ACKR2: variants seen among roughly 807,000 people sequenced by gnomAD.
The protein encoded by ACKR2 is atypical chemokine receptor 2, also known as C-C chemokine receptor D6.
For synonymous variants in ACKR2, 207 were observed against 192.2 expected (o/e 1.08, Z -0.64); for missense variants, 457 against 477.3 (o/e 0.96, Z 0.40).
chr3:42,839,939 G>A (rs1000953225), intron 2 of ACKR2, among the ~76,000 whole-genome samples: 7 of 152,192 alleles, frequency 4.6e-5, no homozygotes, highest in African/African-American at 1.7e-4. Flanking sequence ...AATTTTGGGT[G>A]TGGGTGCAGA....
intron 1 of ACKR2, among the ~76,000 whole-genome samples, chr3:42,811,501 G>A (rs1700694306): frequency 1.3e-5 from 2 of 152,204 alleles, no homozygotes; most frequent in South Asian, 4.1e-4. Context: ...AGGGACCTCT[G>A]CCCAAGAAAG....
intron 2 of ACKR2, among the ~76,000 whole-genome samples, chr3:42,831,463 T>C (rs1208290509): frequency 1.3e-5 from 2 of 152,364 alleles, no homozygotes; most frequent in East Asian, 3.9e-4. Context: ...GCTAATTTCA[T>C]TGGCCAATGG....
chr3:42,853,462 G>A (rs563813016), intron 2 of ACKR2, among the ~76,000 whole-genome samples: 9 of 152,212 alleles, frequency 5.9e-5, no homozygotes, highest in Admixed American at 2.6e-4. Context: ...ACAGGGTCTC[G>A]CTATGTTGCC....
chr3:42,859,015 A>G (rs1245238481), intron 2 of ACKR2, among the ~76,000 whole-genome samples: 2 of 152,116 alleles, frequency 1.3e-5, no homozygotes, highest in African/African-American at 4.8e-5. Context: ...TCCAAGAAAT[A>G]TGAGACTATG....
intron 2 of ACKR2, among the ~76,000 whole-genome samples, chr3:42,829,744 T>A (rs547718774): frequency 6.6e-6 from 1 of 152,162 alleles, no homozygotes; most frequent in Non-Finnish European, 1.5e-5. Context: ...CTGCACTCTG[T>A]CCTCTGCCAT....
chr3:42,814,170 A>G (rs1348804640), intron 1 of ACKR2, among the ~76,000 whole-genome samples: 1 of 152,240 alleles, frequency 6.6e-6, no homozygotes, highest in Non-Finnish European at 1.5e-5. Context: ...ATACCATATC[A>G]TGTTACAAGA....
intron 2 of ACKR2, among the ~76,000 whole-genome samples, chr3:42,842,578 A>G (rs1701049875): frequency 6.6e-6 from 1 of 152,206 alleles, no homozygotes; most frequent in African/African-American, 2.4e-5. Context: ...AGAGGCTGAC[A>G]GCAAATGCAC....
Position 42,812,612 on chromosome 3 carries a change from G to A in ACKR2, c.-119+3080G>A, listed in dbSNP as rs938524299. ...CTTACCTCTCCAGGTCATGGAATCA[G>A]ACCTCTTAGTATTCCATGCAGCTTA... On this transcript the variant is annotated intron_variant, in intron 1 of 2. Transcript: ENST00000422265. Among the ~76,000 whole-genome samples the A allele has an allele frequency of 2.7e-5, 4 of 147,130 alleles. No individual in the cohort carries two copies. The Admixed American group carries it at 2.7e-4, about 10-fold the overall frequency.
intron 1 of ACKR2, among the ~76,000 whole-genome samples, chr3:42,815,803 C>T (rs975368844): frequency 6.6e-6 from 1 of 152,186 alleles, no homozygotes; most frequent in African/African-American, 2.4e-5. Flanking sequence ...CATTAATTCT[C>T]AAGGGAGGTA....
chr3:42,860,835 C>T (rs533238948), intron 2 of ACKR2, among the ~76,000 whole-genome samples: 2 of 152,240 alleles, frequency 1.3e-5, no homozygotes, highest in East Asian at 3.9e-4. Flanking sequence ...ACACAATGTA[C>T]TAGAATCTCT....
rs2088438240 is a variant in ACKR2, at chr3:42,866,677, G to C, written c.*1020G>C. Reference sequence around the variant, plus strand: ...AGAGCAGCAGCCTGTCAAAACACCAGATTACAACAAATTTAGTTTAAAGGT... The same window carrying C: ...AGAGCAGCAGCCTGTCAAAACACCACATTACAACAAATTTAGTTTAAAGGT... On this transcript the variant is annotated 3_prime_UTR_variant, in exon 3 of 3. Transcript: ENST00000422265. 1 of 166,912 alleles carries C rather than the reference G, an allele frequency of 6.0e-6. No homozygotes were observed. Among genetic ancestry groups the C allele is most frequent in the Admixed American group, 6.6e-5 (1 of 15,262 alleles). The allele number at this position is 166,912 out of a possible 1,614,324, so 10.3% of individuals were successfully genotyped here. A position where few individuals can be genotyped will look rare whatever the true frequency, so the allele number is the denominator to read the frequency against.
intron 2 of ACKR2, among the ~76,000 whole-genome samples, chr3:42,821,629 T>C: frequency 6.6e-6 from 1 of 152,310 alleles, no homozygotes; most frequent in South Asian, 2.1e-4. Context: ...TGGAACACTC[T>C]CTTGCCTCTC....
chr3:42,830,164 C>A (rs1700916889), intron 2 of ACKR2, among the ~76,000 whole-genome samples: 1 of 152,224 alleles, frequency 6.6e-6, no homozygotes, highest in South Asian at 2.1e-4. Flanking sequence ...CCTCCAATGA[C>A]CATGTGGCAA....
intron 2 of ACKR2, among the ~76,000 whole-genome samples, chr3:42,853,927 A>G (rs1467579721): frequency 6.6e-6 from 1 of 152,188 alleles, no homozygotes; most frequent in Non-Finnish European, 1.5e-5. Context: ...GATCACATTC[A>G]GTCTTGTTTA....
intron 2 of ACKR2, chr3:42,851,553 G>A (rs1701159691): frequency 4.3e-6 from 2 of 462,184 alleles, no homozygotes; most frequent in Non-Finnish European, 2.8e-6. Flanking sequence ...GGGCACAGGT[G>A]CTGGGAAGAG....
At chr3:42,830,860 G>T (rs1423343643) in intron 2 of ACKR2, among the ~76,000 whole-genome samples, 1 of 151,780 alleles carries the variant, frequency 6.6e-6, no homozygotes, top group African/African-American at 2.4e-5. Context: ...TTCTATGGAT[G>T]CTCCGGTCTG....
intron 2 of ACKR2, chr3:42,835,894 T>TG (rs1559687845): frequency 6.6e-6 from 1 of 152,252 alleles, no homozygotes; most frequent in African/African-American, 2.4e-5. Flanking sequence ...TTCCTCCTTC[T>TG]GCCCACCCGA....
rs1371770231 is a variant in ACKR2 at position 42,840,889 on chromosome 3, C to G, written c.-38+21178C>G. ...ATTTTTAGTAGAGACAGGGTTTCAT[C>G]ATGTTGGCCAGACTGGTCTCGAACT... is the stretch of plus-strand genomic sequence containing the variant. On this transcript the variant is annotated intron_variant, in intron 2 of 2. Transcript: ENST00000422265. 2.6e-5 allele frequency among the ~76,000 whole-genome samples: 4 copies of G among 152,286 alleles called. No individual in the cohort carries two copies. The South Asian group carries it at 8.3e-4, about 32-fold the overall frequency.
chr3:42,848,632 GA>G (rs1323691420), intron 2 of ACKR2, among the ~76,000 whole-genome samples: 2 of 152,136 alleles, frequency 1.3e-5, no homozygotes, highest in African/African-American at 2.4e-5. Context: ...ATTACTGTTG[GA>G]AAGTATAAAT....
Sources: allele counts gnomAD v4.1 joint callset (sites outside exome capture counted in the v4.1 genomes callset), GRCh38; gene constraint gnomAD v4.1.1; transcripts MANE v1.5; gene names NCBI Gene and HGNC (gene_info 2026-07-23, HGNC 2026-07-21).